Variants in CHCHD6 observed in about 807,000 individuals in gnomAD.
CHCHD6 encodes MICOS complex subunit MIC25.
In CHCHD6, 28 loss-of-function variants were observed where a neutral mutation model predicts 32.3. That is an observed-to-expected ratio of 0.87 (90% confidence interval 0.64 to 1.19). The LOEUF (loss-of-function observed/expected upper bound fraction) is 1.19, where lower values mean the gene tolerates loss of function less well. Ranked by LOEUF, CHCHD6 falls within the 50% of genes most tolerant of loss-of-function variation. The pLI is 0.00. For synonymous variants in CHCHD6, 122 were observed against 117.5 expected, an observed-to-expected ratio of 1.04 and a Z score of -0.25; for missense variants, 333 against 307.0, an observed-to-expected ratio of 1.08 and a Z score of -0.63.
At chr3:126,888,243 G>C (rs764342950) in intron 5 of CHCHD6, among the ~76,000 whole-genome samples, 4 of 152,064 alleles carry the variant, frequency 2.6e-5, no homozygotes, top group Non-Finnish European at 4.4e-5. Context: ...CACCAGGACT[G>C]CCTGCATCTC....
chr3:126,863,191 A>C (rs1576516250), intron 5 of CHCHD6, among the ~76,000 whole-genome samples: 1 of 118,350 alleles, frequency 8.4e-6, no homozygotes. Flanking sequence ...CCCCTCCTCC[A>C]CCATCACCAC....
At chr3:126,930,379 C>T (rs1422523197) in intron 6 of CHCHD6, among the ~76,000 whole-genome samples, 2 of 152,216 alleles carry the variant, frequency 1.3e-5, no homozygotes, top group Non-Finnish European at 2.9e-5. Context: ...TAAAGGTGAC[C>T]CGCAGTAGCT....
At chr3:126,745,607 C>T (rs939670706) in intron 4 of CHCHD6, among the ~76,000 whole-genome samples, 1 of 152,136 alleles carries the variant, frequency 6.6e-6, no homozygotes, top group Admixed American at 6.5e-5. Flanking sequence ...GAACAGAGTG[C>T]TTTTGAGTGC....
intron 4 of CHCHD6, among the ~76,000 whole-genome samples, chr3:126,770,772 T>C (rs550056619): frequency 1.3e-5 from 2 of 152,352 alleles, no homozygotes; most frequent in South Asian, 2.1e-4. Flanking sequence ...ATCAAGGATA[T>C]TGGGCTGAAG....
At chr3:126,915,716 G>A (rs1238280709) in intron 6 of CHCHD6, among the ~76,000 whole-genome samples, 1 of 152,206 alleles carries the variant, frequency 6.6e-6, no homozygotes, top group East Asian at 1.9e-4. Context: ...TGAGGAGCTG[G>A]AAGGACAGTA....
chr3:126,775,803 C>T (rs1205055221), intron 4 of CHCHD6, among the ~76,000 whole-genome samples: 2 of 152,202 alleles, frequency 1.3e-5, no homozygotes, highest in African/African-American at 4.8e-5. Context: ...AGGCTCAAAT[C>T]AGCGGCTGCT....
At chr3:126,930,879 G>A (rs1195953008) in intron 6 of CHCHD6, among the ~76,000 whole-genome samples, 2 of 152,212 alleles carry the variant, frequency 1.3e-5, no homozygotes, top group Non-Finnish European at 2.9e-5. Flanking sequence ...TCTCTGTACA[G>A]CTCTGGCTGT....
chr3:126,767,085 G>A lies in CHCHD6; in HGVS notation c.411+33863G>A, dbSNP rs1028483186. ...AGTCTGTAGTTGTACTCTGTCCGCC[G>A]TGCCCGGGCGATGAACTTCCCATCC... On this transcript the variant is annotated intron_variant, in intron 4 of 7. Transcript: ENST00000290913. 5.3e-5 allele frequency: 63 copies of A among 1,199,758 alleles called. 1 individual carries two copies. Among genetic ancestry groups the A allele is most frequent in the Non-Finnish European group, 6.8e-5 (55 of 806,102 alleles). The allele number at this position is 1,199,758 out of a possible 1,614,324, so 74.3% of individuals were successfully genotyped here.
At chr3:126,753,123 C>T (rs1039374042) in intron 4 of CHCHD6, among the ~76,000 whole-genome samples, 1 of 152,108 alleles carries the variant, frequency 6.6e-6, no homozygotes, top group Non-Finnish European at 1.5e-5. Context: ...TTTTGTAAAA[C>T]AAGCAGATTC....
intron 1 of CHCHD6, among the ~76,000 whole-genome samples, chr3:126,722,107 G>A (rs1486656922): frequency 1.3e-5 from 2 of 152,184 alleles, no homozygotes; most frequent in Admixed American, 6.5e-5. Context: ...GCCATATCAA[G>A]TGGTAACTCT....
chr3:126,939,706 A>G (rs1239062254), intron 6 of CHCHD6, among the ~76,000 whole-genome samples: 1 of 152,268 alleles, frequency 6.6e-6, no homozygotes, highest in Non-Finnish European at 1.5e-5. Context: ...TGATTCTTTA[A>G]CAAATACAAC....
At chr3:126,761,519 G>A (rs2107672559) in intron 4 of CHCHD6, among the ~76,000 whole-genome samples, 1 of 152,312 alleles carries the variant, frequency 6.6e-6, no homozygotes, top group Middle Eastern at 3.4e-3. Context: ...TCCAATGGCT[G>A]GGCTCAAGCA....
chr3:126,880,719 G>C (rs1293511881), intron 5 of CHCHD6, among the ~76,000 whole-genome samples: 1 of 152,114 alleles, frequency 6.6e-6, no homozygotes, highest in African/African-American at 2.4e-5. Flanking sequence ...CCCAGCAAGA[G>C]GCATGTAAAA....
At chr3:126,863,488 T>G (rs528502842) in intron 5 of CHCHD6, among the ~76,000 whole-genome samples, 1 of 116,414 alleles carries the variant, frequency 8.6e-6, no homozygotes, top group African/African-American at 3.3e-5. Context: ...CATCACCACC[T>G]CCTCCTCCTC....
intron 4 of CHCHD6, among the ~76,000 whole-genome samples, chr3:126,751,158 T>TC (rs1365793415): frequency 2.6e-5 from 4 of 151,484 alleles, no homozygotes; most frequent in Admixed American, 1.3e-4. Flanking sequence ...TTTTTTTTTT[T>TC]CTCTGGGCCT....
chr3:126,881,218 C>T (rs750263794), intron 5 of CHCHD6, among the ~76,000 whole-genome samples: 24 of 152,228 alleles, frequency 1.6e-4, no homozygotes, highest in Non-Finnish European at 2.4e-4. Flanking sequence ...TACATTTGTT[C>T]CTGAATGCAA....
chr3:126,859,148 A>C (rs1941767484), intron 5 of CHCHD6, among the ~76,000 whole-genome samples: 1 of 152,170 alleles, frequency 6.6e-6, no homozygotes, highest in South Asian at 2.1e-4. Context: ...TAAAGAAGGG[A>C]ACGTGTGTGT....
At chr3:126,717,261 G>A (rs1310103603) in intron 1 of CHCHD6, among the ~76,000 whole-genome samples, 1 of 152,176 alleles carries the variant, frequency 6.6e-6, no homozygotes, top group East Asian at 1.9e-4. Context: ...TAGGTAGGTA[G>A]CGTTAGTAAG....
intron 4 of CHCHD6, among the ~76,000 whole-genome samples, chr3:126,796,823 CAA>C: frequency 6.6e-6 from 1 of 152,134 alleles, no homozygotes; most frequent in Non-Finnish European, 1.5e-5. Context: ...CCTCTGTGGC[CAA>C]ACTCGAGCTT....
Sources: allele counts gnomAD v4.1 joint callset (sites outside exome capture counted in the v4.1 genomes callset), GRCh38; gene constraint gnomAD v4.1.1; transcripts MANE v1.5; gene names NCBI Gene and HGNC (gene_info 2026-07-23, HGNC 2026-07-21).